The following ADGRG4 variants were observed in gnomAD, a reference collection of about 807,000 sequenced individuals.
ADGRG4 encodes the protein adhesion G protein-coupled receptor G4.
In ADGRG4, 122 loss-of-function variants were observed where a neutral mutation model predicts 126.2. The ratio of observed to expected loss-of-function variants is 0.97; its 90% CI spans 0.83 to 1.12. ADGRG4 has a LOEUF of 1.12. ADGRG4 is among the 50% of genes most tolerant of loss of function. ADGRG4 has a pLI of 0.00. For missense variants in ADGRG4, 2,481 were observed against 2,251.8 expected, an observed-to-expected ratio of 1.10 and a Z score of -2.06; for synonymous variants, 943 against 838.7, an observed-to-expected ratio of 1.12 and a Z score of -2.15.
intron 12 of ADGRG4, among the ~76,000 whole-genome samples, chrX:136,362,633 T>C (rs887073977): frequency 2.7e-5 from 3 of 111,294 alleles, no homozygotes; most frequent in Non-Finnish European, 5.7e-5. Context: ...CCAGTCAAAA[T>C]GACCATTTGC....
chrX:136,322,623 G>T (rs907633488), intron 4 of ADGRG4, among the ~76,000 whole-genome samples, 155 bp from the exon 5 acceptor site: 1 of 111,707 alleles, frequency 9.0e-6, no homozygotes, highest in Non-Finnish European at 1.9e-5. Flanking sequence ...AAATAGAGAT[G>T]ATTTTTTACA....
In ADGRG4 at chrX:136,348,329, A is replaced by G. The variant is rs1469790165; in HGVS notation, c.4623A>G (p.Lys1541=). The stretch of plus-strand genomic sequence containing the variant: ...CAATAGTGATAACTAAATCTTCTAA[A>G]ACAATGCATCCAGGTTGTTTGAAAA... The part of the protein sequence containing the change: ...TPPIVITKSS[K]TMHPGCLKSP... Residue 1541 remains lysine (K), a synonymous_variant, in exon 6 of 26, where the codon AAA becomes AAG. Coordinates refer to ENST00000394143, the MANE Select transcript of ADGRG4 (RefSeq NM_153834.4). 2 of 1,210,025 alleles carry G rather than the reference A, an allele frequency of 1.7e-6. No homozygotes were observed. The highest frequency in any genetic ancestry group is 2.2e-6 in the Non-Finnish European group (2 of 894,352).
chrX:136,330,386 C>CT lies in ADGRG4; in HGVS notation c.685+7008dup, dbSNP rs113126296. Among the ~76,000 whole-genome samples the CT allele has an allele frequency of 2.5e-3, 255 of 101,803 alleles. 1 individual carries two copies. Among genetic ancestry groups the CT allele is most frequent in the African/African-American group, 5.3e-3 (148 of 28,162 alleles). The allele number at this position is 101,803 out of a possible 115,157, so 88.4% of individuals were successfully genotyped here. On this transcript the variant is annotated intron_variant, in intron 5 of 25. Coordinates refer to ENST00000394143, the MANE Select transcript of ADGRG4 (RefSeq NM_153834.4). ...ACATTATGTAAACTTTTAGGATTACCTTTTTTTTTTTTTTAACTCAGCATA... is the reference window on the plus strand; with the variant it reads ...ACATTATGTAAACTTTTAGGATTACCTTTTTTTTTTTTTTTAACTCAGCATA...
At chrX:136,305,123 C>T (rs181227689) in intron 3 of ADGRG4, 100 bp downstream of exon 3, 1 of 112,062 alleles carries the variant, frequency 8.9e-6, no homozygotes, top group African/African-American at 3.2e-5. Context: ...CAAACTCAAG[C>T]CTGTCTTTCC....
chrX:136,368,535 G>A (rs1263717455), intron 13 of ADGRG4, among the ~76,000 whole-genome samples: 3 of 111,907 alleles, frequency 2.7e-5, no homozygotes, highest in Non-Finnish European at 3.8e-5. Context: ...GCTGTAAGAA[G>A]CCCAAACAGT....
intron 21 of ADGRG4, among the ~76,000 whole-genome samples, chrX:136,400,645 GTTT>G (rs1461322649): frequency 8.9e-6 from 1 of 112,040 alleles, no homozygotes; most frequent in Non-Finnish European, 1.9e-5. Flanking sequence ...TGTCTCCATA[GTTT>G]GGACTTCTAA....
At chrX:136,406,913 CA>C (rs759585174) in intron 23 of ADGRG4, among the ~76,000 whole-genome samples, 2,916 of 57,999 alleles carry the variant, frequency 0.05, 84 homozygotes, top group African/African-American at 0.14. Flanking sequence ...GAGACTCTGT[CA>C]AAAAAAAAAA....
At chrX:136,396,366 CAT>C (rs747291704) in intron 19 of ADGRG4, among the ~76,000 whole-genome samples, 7,471 of 94,957 alleles carry the variant, frequency 0.079, 585 homozygotes, top group African/African-American at 0.23. Flanking sequence ...ATTTATTTTA[CAT>C]ATATATATAT....
rs748919577 is a variant in ADGRG4, at chrX:136,397,834, A to C, written c.8185-47A>C. On this transcript the variant is annotated intron_variant, in intron 19 of 25. Coordinates refer to ENST00000394143, the MANE Select transcript of ADGRG4 (RefSeq NM_153834.4). ...TGAACACTGGAAGCATTTTGCCATA[A>C]ACTTGCTCTGGTGTATGTGTAAAAC... 6.0e-6 allele frequency: 7 copies of C among 1,170,163 alleles called. No homozygotes were observed. The South Asian group carries it at 1.4e-4, about 23-fold the overall frequency.
intron 13 of ADGRG4, among the ~76,000 whole-genome samples, chrX:136,365,155 G>A (rs1293110555): frequency 9.0e-6 from 1 of 111,335 alleles, no homozygotes; most frequent in Non-Finnish European, 1.9e-5. Flanking sequence ...CATAAAATTC[G>A]CTCATTTAAT....
chrX:136,414,049 G>A (rs1244818407), intron 24 of ADGRG4, 111 bp from the exon 25 acceptor site: 4 of 688,308 alleles, frequency 5.8e-6, no homozygotes, highest in Admixed American at 3.6e-5. Flanking sequence ...CCTAAACTTT[G>A]TATTTTTAAA....
At chrX:136,325,798 C>A (rs2074868731) in intron 5 of ADGRG4, among the ~76,000 whole-genome samples, 1 of 107,275 alleles carries the variant, frequency 9.3e-6, no homozygotes, top group Non-Finnish European at 1.9e-5. Context: ...GCAACTTCTG[C>A]TTCCCGGGTT....
intron 4 of ADGRG4, among the ~76,000 whole-genome samples, chrX:136,311,542 G>T (rs1021935617): frequency 2.7e-5 from 3 of 110,999 alleles, no homozygotes; most frequent in Non-Finnish European, 5.7e-5. Context: ...TGAGGTGGGA[G>T]GCTGGGTTTT....
chrX:136,413,639 C>T (rs950114262), intron 24 of ADGRG4, among the ~76,000 whole-genome samples: 3 of 111,981 alleles, frequency 2.7e-5, no homozygotes, highest in African/African-American at 9.7e-5. Flanking sequence ...CCACACATTA[C>T]AGTACAAACC....
rs1207824100 is a variant in ADGRG4 at position 136,332,288 on chromosome X, G to C, written c.685+8896G>C. ...TTTTGTTCTTGCGATAGTTTACTGAGAATGATGATTTCCAATTTCATCCAT... is the reference window on the plus strand; with the variant it reads ...TTTTGTTCTTGCGATAGTTTACTGACAATGATGATTTCCAATTTCATCCAT... On this transcript the variant is annotated intron_variant, in intron 5 of 25. Coordinates refer to ENST00000394143, the MANE Select transcript of ADGRG4 (RefSeq NM_153834.4). 3.8e-5 allele frequency among the ~76,000 whole-genome samples: 4 copies of C among 106,551 alleles called. No homozygotes were observed. In the East Asian group the frequency reaches 1.2e-3, roughly 32 times the overall value. 92.5% of individuals were successfully genotyped at this position (106,551 alleles called of 115,157 possible).
intron 5 of ADGRG4, among the ~76,000 whole-genome samples, chrX:136,335,283 A>G (rs1362437154): frequency 9.1e-6 from 1 of 109,607 alleles, no homozygotes; most frequent in Non-Finnish European, 1.9e-5. Flanking sequence ...TAGTTTGCTC[A>G]TATATTGTTG....
intron 1 of ADGRG4, among the ~76,000 whole-genome samples, chrX:136,302,190 C>G (rs1054158026): frequency 2.7e-5 from 3 of 111,958 alleles, no homozygotes; most frequent in African/African-American, 9.7e-5. Flanking sequence ...GCCATTTTCA[C>G]AATATTGATT....
intron 15 of ADGRG4, among the ~76,000 whole-genome samples, chrX:136,385,757 C>T (rs2148489549): frequency 8.9e-6 from 1 of 112,265 alleles, no homozygotes; most frequent in Admixed American, 9.5e-5. Context: ...TCATAACAGG[C>T]AATTAACTTG....
rs761123627 is a variant in ADGRG4 at position 136,346,412 on chromosome X, A to C, written c.2706A>C (p.Ala902=). ...GTACCCCATTGGATAATAAAACTGC[A>C]ACAACTGAGGTGAGAGAAAGTTGGC... ...KLSTPLDNKT[A]TTEVRESWLL... Residue 902 remains alanine (A), a synonymous_variant, in exon 6 of 26, where the codon GCA becomes GCC. Transcript: ENST00000394143. The C allele has an allele frequency of 5.2e-5, 63 of 1,209,717 alleles. No homozygotes were observed. The highest frequency in any genetic ancestry group is 6.4e-5 in the Non-Finnish European group (57 of 894,812).
Sources: allele counts gnomAD v4.1 joint callset (sites outside exome capture counted in the v4.1 genomes callset), GRCh38; gene constraint gnomAD v4.1.1; transcripts MANE v1.5; gene names NCBI Gene and HGNC (gene_info 2026-07-23, HGNC 2026-07-21).